DBNDD1: variants seen among roughly 807,000 people sequenced by gnomAD.
DBNDD1 encodes the protein dysbindin domain containing 1.
DBNDD1 carries 14 observed loss-of-function variants against 17.0 expected under a neutral mutation model. That is an observed-to-expected ratio of 0.82 (90% CI 0.54 to 1.29). DBNDD1 has a LOEUF of 1.29. DBNDD1 is among the 50% of genes most tolerant of loss of function. The pLI, the probability that DBNDD1 is intolerant of heterozygous loss-of-function variation, is 0.00. For missense variants in DBNDD1, 221 were observed against 216.2 expected, an observed-to-expected ratio of 1.02 and a Z score of -0.14; for synonymous variants, 105 against 102.0, an observed-to-expected ratio of 1.03 and a Z score of -0.18.
chr16:90,011,035 A>C (rs2151262445), intron 1 of DBNDD1, among the ~76,000 whole-genome samples: 1 of 152,324 alleles, frequency 6.6e-6, no homozygotes, highest in South Asian at 2.1e-4. Context: ...TGGGGACACC[A>C]GCACCTCCCA....
chr16:90,009,302 G>A lies in DBNDD1; in HGVS notation c.160C>T (p.Gln54Ter). Residue 54 changes from glutamine (Q) to a stop codon, truncating the protein, a stop_gained, in exon 2 of 4, where the codon CAG (glutamine) becomes TAG (stop). Coordinates refer to ENST00000002501, the MANE Select transcript of DBNDD1 (RefSeq NM_001042610.3). LOFTEE classifies it high-confidence loss of function. ...TACTTACGCCTCCTCTCCGTGACCTGCAGGAGCCCCGGTGCTGGTACTGGG... is the reference window on the plus strand; with the variant it reads ...TACTTACGCCTCCTCTCCGTGACCTACAGGAGCCCCGGTGCTGGTACTGGG... ...GIPVPAPGLL[Q>*]VTERRQPLSS... 1 of 1,613,422 alleles carries A rather than the reference G, an allele frequency of 6.2e-7. No homozygotes were observed. The highest frequency in any genetic ancestry group is 8.5e-7 in the Non-Finnish European group (1 of 1,179,968).
intron 1 of DBNDD1, chr16:90,009,895 T>C: frequency 1.3e-6 from 2 of 1,550,472 alleles, no homozygotes; most frequent in Non-Finnish European, 1.8e-6. Context: ...CTTTTCCTTT[T>C]AAAAACTGAT....
rs202169900 is a variant in DBNDD1, at chr16:90,006,288, C to T, written c.*47G>A. 1.9e-5 allele frequency: 29 copies of T among 1,561,860 alleles called. No individual in the cohort carries two copies. The highest frequency in any genetic ancestry group is 9.2e-5 in the East Asian group (4 of 43,404). Reference sequence around the variant, plus strand: ...GGTCAGCACTGCCCAGATCTGCCATCGTGTTCGGACCCCATCCCTGCAGGA... The same window carrying T: ...GGTCAGCACTGCCCAGATCTGCCATTGTGTTCGGACCCCATCCCTGCAGGA... On this transcript the variant is annotated 3_prime_UTR_variant, in exon 4 of 4. Transcript: ENST00000002501.
rs2035407793 is a variant in DBNDD1, at chr16:90,005,626, G to A, written c.*709C>T. ...GTCATCAAGTCTCTTAGGCAGTCTGGTGATATTTGGTGTTCTGAGCTAAGG... is the reference window on the plus strand; with the variant it reads ...GTCATCAAGTCTCTTAGGCAGTCTGATGATATTTGGTGTTCTGAGCTAAGG... On this transcript the variant is annotated 3_prime_UTR_variant, in exon 4 of 4. Coordinates refer to ENST00000002501, the MANE Select transcript of DBNDD1 (RefSeq NM_001042610.3). The A allele has an allele frequency of 6.6e-6, 1 of 152,342 alleles. No homozygotes were observed. The highest frequency in any genetic ancestry group is 2.4e-5 in the African/African-American group (1 of 41,442). The allele number at this position is 152,342 out of a possible 1,614,324, so 9.4% of individuals were successfully genotyped here. A position where few individuals can be genotyped will look rare whatever the true frequency, so the allele number is the denominator to read the frequency against.
At chr16:90,006,656 C>T (rs2035433888) in intron 3 of DBNDD1, 164 bp from the exon 4 acceptor site, 2 of 897,792 alleles carry the variant, frequency 2.2e-6, no homozygotes, top group African/African-American at 3.4e-5. Flanking sequence ...GCCCCCACCA[C>T]ACACTGGCCC....
chr16:90,006,272 T>C lies in DBNDD1; in HGVS notation c.*63A>G. 5.9e-6 allele frequency: 9 copies of C among 1,533,848 alleles called. No individual in the cohort carries two copies. The highest frequency in any genetic ancestry group is 7.9e-6 in the Non-Finnish European group (9 of 1,136,738). ...TGAAGTGTGTCTGCTGGGTCAGCAC[T>C]GCCCAGATCTGCCATCGTGTTCGGA... On this transcript the variant is annotated 3_prime_UTR_variant, in exon 4 of 4. Coordinates refer to ENST00000002501, the MANE Select transcript of DBNDD1 (RefSeq NM_001042610.3).
At chr16:90,015,020 A>G (rs2035617206) in intron 1 of DBNDD1, among the ~76,000 whole-genome samples, 1 of 151,094 alleles carries the variant, frequency 6.6e-6, no homozygotes, top group Admixed American at 6.6e-5. Flanking sequence ...AAAAAAAAAA[A>G]AGCATCTTTT....
At chr16:90,010,000 C>T in intron 1 of DBNDD1, 1 of 1,614,226 alleles carries the variant, frequency 6.2e-7, no homozygotes, top group African/African-American at 1.3e-5. Context: ...CCCTTAGCCA[C>T]CAACCATGCC....
Sources: gnomAD v4.1 joint callset for allele counts (sites outside exome capture counted in the v4.1 genomes callset) on GRCh38, gnomAD v4.1.1 for gene constraint, MANE v1.5 for transcripts, NCBI Gene and HGNC (gene_info 2026-07-23, HGNC 2026-07-21) for gene names.